DNAJB13: variants seen among roughly 807,000 people sequenced by gnomAD.
DNAJB13 encodes the protein DnaJ heat shock protein family (Hsp40) member B13, also known as dnaJ homolog subfamily B member 13.
DNAJB13 carries 22 observed loss-of-function variants against 35.6 expected under a neutral mutation model. The ratio of observed to expected loss-of-function variants is 0.62; its 90% CI spans 0.44 to 0.88. DNAJB13 has a LOEUF of 0.88. DNAJB13 is among the 40% of genes least tolerant of loss of function. DNAJB13 has a pLI of 0.00. For synonymous variants in DNAJB13, 136 were observed against 144.2 expected (o/e 0.94, Z 0.41); for missense variants, 370 against 384.3 (o/e 0.96, Z 0.31).
chr11:73,959,156 T>A (rs1225107092), intron 2 of DNAJB13, among the ~76,000 whole-genome samples: 4 of 152,206 alleles, frequency 2.6e-5, no homozygotes, highest in Non-Finnish European at 1.5e-5. Context: ...TTACCCCAGA[T>A]AAGACAGTGG....
intron 5 of DNAJB13, 61 bp from the exon 6 acceptor site, chr11:73,968,284 G>T: frequency 7.0e-7 from 1 of 1,426,052 alleles, no homozygotes; most frequent in Non-Finnish European, 9.9e-7. Context: ...GTAGAGGCAG[G>T]AACTTGGCCA....
chr11:73,952,500 A>C (rs1736733109), intron 1 of DNAJB13, among the ~76,000 whole-genome samples: 1 of 152,210 alleles, frequency 6.6e-6, no homozygotes, highest in Admixed American at 6.5e-5. Context: ...GTTGCCAGTC[A>C]TGGGCCTATT....
chr11:73,969,700 C>T (rs1951225993), intron 7 of DNAJB13, among the ~76,000 whole-genome samples: 1 of 152,174 alleles, frequency 6.6e-6, no homozygotes, highest in African/African-American at 2.4e-5. Flanking sequence ...CACCCTCGCC[C>T]TCACCCCAGG....
intron 3 of DNAJB13, among the ~76,000 whole-genome samples, chr11:73,961,480 C>T (rs1950930078): frequency 6.6e-6 from 1 of 152,162 alleles, no homozygotes; most frequent in Non-Finnish European, 1.5e-5. Flanking sequence ...AATGTAGCTG[C>T]AACTGCTGCC....
intron 1 of DNAJB13, 21 bp downstream of exon 1, chr11:73,951,158 G>T: frequency 6.2e-7 from 1 of 1,613,880 alleles, no homozygotes; most frequent in South Asian, 1.1e-5. Context: ...GTGGGAGCCA[G>T]GCCTTAGGGG....
chr11:73,954,289 G>A (rs1950670329), intron 1 of DNAJB13, among the ~76,000 whole-genome samples: 1 of 151,468 alleles, frequency 6.6e-6, no homozygotes, highest in South Asian at 2.1e-4. Context: ...TCGTGCCATT[G>A]CACTCCAGCC....
At chr11:73,955,632 G>C (rs938224195) in intron 1 of DNAJB13, among the ~76,000 whole-genome samples, 1 of 152,060 alleles carries the variant, frequency 6.6e-6, no homozygotes, top group African/African-American at 2.4e-5. Flanking sequence ...TTTGAGACCA[G>C]CATGGCCAAC....
In DNAJB13 at chr11:73,959,481, T is replaced by A. The variant is rs781143290; in HGVS notation, c.173-13T>A. The A allele has an allele frequency of 1.2e-6, 2 of 1,612,382 alleles. No individual in the cohort carries two copies. Among genetic ancestry groups the A allele is most frequent in the South Asian group, 2.2e-5 (2 of 90,888 alleles). The stretch of plus-strand genomic sequence containing the variant: ...AAAGTTGGACACCTCCTTAAGGTGA[T>A]GCCCATCCACAGCCATGAAGAGAGG... On this transcript the variant is annotated splice_polypyrimidine_tract_variant and intron_variant, in intron 2 of 7. Transcript: ENST00000339764.
At chr11:73,968,309 A>G (rs1197880712) in intron 5 of DNAJB13, 36 bp from the exon 6 acceptor site, 1 of 1,599,232 alleles carries the variant, frequency 6.3e-7, no homozygotes, top group East Asian at 2.2e-5. Flanking sequence ...CACACGGCCA[A>G]CTAGTCCTTG....
chr11:73,963,287 G>A (rs1386516730), intron 3 of DNAJB13, among the ~76,000 whole-genome samples: 1 of 151,788 alleles, frequency 6.6e-6, no homozygotes, highest in Non-Finnish European at 1.5e-5. Flanking sequence ...GGAGGTTGTG[G>A]TGAGCCGAGA....
At position 73,968,386 on chromosome 11, in the gene DNAJB13, G is replaced by A; in HGVS notation, c.648G>A (p.Lys216=). 4 of 1,614,146 alleles carry A rather than the reference G, an allele frequency of 2.5e-6. No homozygotes were observed. Among genetic ancestry groups the A allele is most frequent in the Non-Finnish European group, 3.4e-6 (4 of 1,180,034 alleles). Residue 216 remains lysine (K), a synonymous_variant, in exon 6 of 8, where the codon AAG becomes AAA. Coordinates refer to ENST00000339764, the MANE Select transcript of DNAJB13 (RefSeq NM_153614.4). ...IIPADIIFIV[K]EKLHPRFRRE... ...CAGCAGACATCATTTTCATCGTAAA[G>A]GAGAAGCTACACCCTCGCTTCCGCA...
At position 73,970,262 on chromosome 11, in the gene DNAJB13, G is replaced by A. The variant is rs1951244285; in HGVS notation, c.*148G>A. The A allele has an allele frequency of 2.9e-6, 3 of 1,028,698 alleles. No individual in the cohort carries two copies. Among genetic ancestry groups the A allele is most frequent in the Non-Finnish European group, 4.0e-6 (3 of 747,524 alleles). 63.7% of individuals were successfully genotyped at this position (1,028,698 alleles called of 1,614,324 possible). A position where few individuals can be genotyped will look rare whatever the true frequency, so the allele number is the denominator to read the frequency against. ...GCAGGGCTTAAACTGACATAATAAA[G>A]ATCTATTTCCTGTCCTCCAGCTACA... On this transcript the variant is annotated 3_prime_UTR_variant, in exon 8 of 8. Coordinates refer to ENST00000339764, the MANE Select transcript of DNAJB13 (RefSeq NM_153614.4).
chr11:73,964,030 C>T (rs1951011832), intron 3 of DNAJB13: 1 of 152,254 alleles, frequency 6.6e-6, no homozygotes, highest in Non-Finnish European at 1.5e-5. Flanking sequence ...TGTAAGGTTC[C>T]AAAAATAGCA....
At chr11:73,968,597 T>C in intron 6 of DNAJB13, 139 bp downstream of exon 6, 1 of 687,488 alleles carries the variant, frequency 1.5e-6, no homozygotes, top group Non-Finnish European at 2.5e-6. Context: ...TAAATCACCA[T>C]CCACTTGGTC....
intron 5 of DNAJB13, 42 bp downstream of exon 5, chr11:73,966,293 A>C (rs2135338664): frequency 1.5e-5 from 23 of 1,563,990 alleles, no homozygotes; most frequent in Non-Finnish European, 1.9e-5. Flanking sequence ...CACTGAGCTC[A>C]GGCGGTGGGA....
At chr11:73,951,495 G>C (rs1950583416) in intron 1 of DNAJB13, among the ~76,000 whole-genome samples, 2 of 152,220 alleles carry the variant, frequency 1.3e-5, no homozygotes. Context: ...GGCCAGGCCA[G>C]ATGGATGTTT....
At chr11:73,966,062 T>C (rs745675402) in intron 4 of DNAJB13, 76 bp from the exon 5 acceptor site, 36 of 1,378,210 alleles carry the variant, frequency 2.6e-5, no homozygotes, top group Non-Finnish European at 3.4e-5. Flanking sequence ...TGAGTGTTCA[T>C]GAAAATCTGA....
chr11:73,965,341 G>A, intron 4 of DNAJB13: 1 of 234,292 alleles, frequency 4.3e-6, no homozygotes. Flanking sequence ...CTCTGAATGG[G>A]AGGAGTCTCT....
At chr11:73,969,417 G>A (rs1951216909) in intron 7 of DNAJB13, 95 bp downstream of exon 7, 1 of 769,622 alleles carries the variant, frequency 1.3e-6, no homozygotes, top group Non-Finnish European at 2.2e-6. Flanking sequence ...GAGTTGTACA[G>A]GCTGCCCCCA....
Sources: gnomAD v4.1 joint callset for allele counts (sites outside exome capture counted in the v4.1 genomes callset) on GRCh38, gnomAD v4.1.1 for gene constraint, MANE v1.5 for transcripts, NCBI Gene and HGNC (gene_info 2026-07-23, HGNC 2026-07-21) for gene names.